Variants in CCDC102B observed in about 807,000 individuals in gnomAD.
The protein encoded by CCDC102B is coiled-coil domain-containing protein 102B.
Under a neutral mutation model 57.4 loss-of-function variants are expected in CCDC102B, and 75 were observed. The observed-to-expected ratio is 1.31, with a 90% CI of 1.08 to 1.58. The LOEUF (loss-of-function observed/expected upper bound fraction) is 1.58. CCDC102B is among the 40% of genes most tolerant of loss of function. The pLI, the probability that CCDC102B is intolerant of heterozygous loss-of-function variation, is 0.00. For synonymous variants in CCDC102B, 206 were observed against 201.9 expected (o/e 1.02, Z -0.17); for missense variants, 636 against 582.6 (o/e 1.09, Z -0.94).
intron 1 of CCDC102B, among the ~76,000 whole-genome samples, chr18:68,828,389 TTC>T (rs1323298719): frequency 6.8e-6 from 1 of 147,388 alleles, no homozygotes; most frequent in Non-Finnish European, 1.5e-5. Flanking sequence ...GCAGAGTATG[TTC>T]TCTTTCTGTA....
intron 1 of CCDC102B, among the ~76,000 whole-genome samples, chr18:68,824,746 T>C (rs1228435236): frequency 2.6e-5 from 4 of 152,192 alleles, no homozygotes; most frequent in Non-Finnish European, 1.5e-5. Context: ...ATATTATAAG[T>C]CTTTGGAAAT....
chr18:68,961,350 A>T (rs1184559370), intron 6 of CCDC102B, among the ~76,000 whole-genome samples: 1 of 152,044 alleles, frequency 6.6e-6, no homozygotes, highest in Non-Finnish European at 1.5e-5. Flanking sequence ...ATACAGAAAC[A>T]AGAATAAAAA....
At chr18:68,729,586 C>G (rs564287606) in intron 2 of CCDC102B, among the ~76,000 whole-genome samples, 2 of 152,278 alleles carry the variant, frequency 1.3e-5, no homozygotes, top group South Asian at 4.1e-4. Flanking sequence ...TGTACTCAGA[C>G]AATTTTAATC....
At chr18:68,790,966 A>G (rs1343929934) in intron 2 of CCDC102B, among the ~76,000 whole-genome samples, 3 of 152,236 alleles carry the variant, frequency 2.0e-5, no homozygotes, top group East Asian at 1.9e-4. Context: ...AGTGTAGGTA[A>G]TATTTTGTTG....
intron 5 of CCDC102B, among the ~76,000 whole-genome samples, chr18:68,890,814 A>G (rs976465938): frequency 1.3e-5 from 2 of 151,866 alleles, no homozygotes; most frequent in Non-Finnish European, 2.9e-5. Flanking sequence ...ATAGACTACT[A>G]CTCCTTTGTA....
At chr18:69,011,884 T>C (rs576379537) in intron 7 of CCDC102B, among the ~76,000 whole-genome samples, 9 of 152,168 alleles carry the variant, frequency 5.9e-5, no homozygotes, top group Non-Finnish European at 1.2e-4. Context: ...AGCAGCTGAA[T>C]TATTTTTCCA....
At position 68,715,295 on chromosome 18, in the gene CCDC102B, C is replaced by T. The variant is rs117720303; in HGVS notation, c.-200C>T. 4,346 of 1,225,170 alleles carry T rather than the reference C, an allele frequency of 3.5e-3. 105 individuals carry two copies. The East Asian group carries it at 0.073, about 21-fold the overall frequency. The allele number at this position is 1,225,170 out of a possible 1,614,324, so 75.9% of individuals were successfully genotyped here. A position where few individuals can be genotyped will look rare whatever the true frequency, so the allele number is the denominator to read the frequency against. On this transcript the variant is annotated 5_prime_UTR_variant, in exon 1 of 4. Transcript: ENST00000578970. ...TGCTTAAGGGCTTTACTAGGGAAAA[C>T]GGTGCTGGTTCACTGGGGCGCGTTT...
intron 6 of CCDC102B, among the ~76,000 whole-genome samples, chr18:68,964,287 C>T (rs1455546958): frequency 2.6e-5 from 4 of 151,870 alleles, no homozygotes; most frequent in Non-Finnish European, 5.9e-5. Context: ...CTACCTATTG[C>T]ATCATTTTAA....
intron 4 of CCDC102B, among the ~76,000 whole-genome samples, chr18:68,861,931 TAGAA>T (rs1256924922): frequency 6.6e-6 from 1 of 152,190 alleles, no homozygotes; most frequent in Non-Finnish European, 1.5e-5. Flanking sequence ...AATGGAATAA[TAGAA>T]AGTGATTGAT....
At chr18:68,896,825 T>C (rs529001027) in intron 5 of CCDC102B, among the ~76,000 whole-genome samples, 18 of 152,040 alleles carry the variant, frequency 1.2e-4, no homozygotes, top group Non-Finnish European at 2.4e-4. Flanking sequence ...CCTAGATAAT[T>C]GAGTGAATGA....
At chr18:68,973,296 C>T (rs1037308016) in intron 6 of CCDC102B, among the ~76,000 whole-genome samples, 1 of 151,810 alleles carries the variant, frequency 6.6e-6, no homozygotes, top group Non-Finnish European at 1.5e-5. Flanking sequence ...TAAAAAAACC[C>T]CAGAAGATAA....
chr18:69,037,014 T>G (rs143029797), intron 7 of CCDC102B, among the ~76,000 whole-genome samples: 5 of 105,130 alleles, frequency 4.8e-5, no homozygotes, highest in African/African-American at 1.4e-4. Context: ...TATATATGTG[T>G]GGGGGTGTAT....
intron 4 of CCDC102B, among the ~76,000 whole-genome samples, chr18:68,861,317 A>G (rs1257200837): frequency 6.7e-6 from 1 of 149,722 alleles, no homozygotes; most frequent in Non-Finnish European, 1.5e-5. Flanking sequence ...TCTCTGCACT[A>G]TGTATCATAT....
Position 68,836,631 on chromosome 18 carries a change from A to AAG in CCDC102B, c.-15-117_-15-116insGA, listed in dbSNP as rs1277216033. On this transcript the variant is annotated intron_variant, in intron 1 of 7. Coordinates refer to ENST00000360242, the MANE Select transcript of CCDC102B (RefSeq NM_024781.3). The stretch of plus-strand genomic sequence containing the variant: ...GACAGAGCAAGACTCTGTCAAAAAT[A>AAG]AAAAAAAAGCATTGTTTTCATCAAT... 1.2e-5 allele frequency: 8 copies of AAG among 683,410 alleles called. No individual in the cohort carries two copies. The African/African-American group carries it at 1.6e-4, about 14-fold the overall frequency. The allele number at this position is 683,410 out of a possible 1,614,324, so 42.3% of individuals were successfully genotyped here.
chr18:68,831,045 G>A (rs992157305), intron 1 of CCDC102B, among the ~76,000 whole-genome samples: 8 of 151,562 alleles, frequency 5.3e-5, no homozygotes, highest in Admixed American at 2.6e-4. Flanking sequence ...TTTTTTCTCT[G>A]ATCTATGAGG....
intron 6 of CCDC102B, among the ~76,000 whole-genome samples, chr18:68,906,247 C>T (rs1005177682): frequency 2.0e-5 from 3 of 152,108 alleles, no homozygotes; most frequent in Non-Finnish European, 2.9e-5. Flanking sequence ...TGAGTCGTTT[C>T]TACCTCTAGC....
At position 68,720,443 on chromosome 18, in the gene CCDC102B, G is replaced by T. The variant is rs949882128; in HGVS notation, c.-67+3849G>T. ...TTTTGCAGCAGTAATATACATATAT[G>T]ACTAGGAAAATATTTAAAAACTCAG... On this transcript the variant is annotated intron_variant, in intron 2 of 3. Transcript: ENST00000578970. 8.5e-5 allele frequency among the ~76,000 whole-genome samples: 13 copies of T among 152,292 alleles called. No homozygotes were observed. The South Asian group carries it at 1.7e-3, about 19-fold the overall frequency.
At chr18:68,850,190 A>G (rs1486491988) in intron 4 of CCDC102B, among the ~76,000 whole-genome samples, 1 of 152,212 alleles carries the variant, frequency 6.6e-6, no homozygotes, top group Non-Finnish European at 1.5e-5. Context: ...TCGTATAGCC[A>G]TACTTACTAA....
chr18:68,809,499 C>T (rs1212188141), intron 1 of CCDC102B, among the ~76,000 whole-genome samples: 3 of 152,154 alleles, frequency 2.0e-5, no homozygotes, highest in African/African-American at 7.2e-5. Context: ...TGTTTTTAAT[C>T]ATTTAACTCA....
Sources: allele counts gnomAD v4.1 joint callset (sites outside exome capture counted in the v4.1 genomes callset), GRCh38; gene constraint gnomAD v4.1.1; transcripts MANE v1.5; gene names NCBI Gene and HGNC (gene_info 2026-07-23, HGNC 2026-07-21).